The following ERC2 variants were observed in gnomAD, a reference collection of about 807,000 sequenced individuals.
The protein encoded by ERC2 is ELKS/RAB6-interacting/CAST family member 2, also known as ERC protein 2.
A neutral mutation model predicts 114.8 loss-of-function variants in ERC2; 42 were observed. The observed-to-expected ratio is 0.37, with a 90% CI of 0.29 to 0.47. The LOEUF is 0.47. Among genes scored for constraint, ERC2 ranks in the 20% least tolerant of loss-of-function variants. ERC2 has a pLI of 0.99. For missense variants in ERC2, 939 were observed against 1,150.7 expected, an observed-to-expected ratio of 0.82 and a Z score of 2.66; for synonymous variants, 454 against 425.5, an observed-to-expected ratio of 1.07 and a Z score of -0.82.
At chr3:56,008,585 T>G (rs1031810576) in intron 9 of ERC2, among the ~76,000 whole-genome samples, 3 of 152,180 alleles carry the variant, frequency 2.0e-5, no homozygotes, top group Non-Finnish European at 2.9e-5. Context: ...TTGTTTTCCT[T>G]TATAAATTTT....
intron 17 of ERC2, among the ~76,000 whole-genome samples, chr3:55,564,574 T>A (rs754934833): frequency 2.6e-5 from 4 of 152,204 alleles, no homozygotes; most frequent in Non-Finnish European, 5.9e-5. Context: ...CCGTCCTTCT[T>A]AGTTATAGAG....
chr3:56,030,905 A>C (rs991590493), intron 7 of ERC2, among the ~76,000 whole-genome samples: 1 of 152,152 alleles, frequency 6.6e-6, no homozygotes, highest in African/African-American at 2.4e-5. Flanking sequence ...ATGGGGAGAG[A>C]GATACATGGG....
intron 7 of ERC2, 95 bp downstream of exon 7, chr3:56,080,722 G>C: frequency 7.9e-7 from 1 of 1,269,804 alleles, no homozygotes; most frequent in South Asian, 1.5e-5. Context: ...CTAAAGATTC[G>C]TAAAAGATCA....
chr3:56,302,766 T>C (rs981197415), intron 2 of ERC2, among the ~76,000 whole-genome samples: 5 of 152,208 alleles, frequency 3.3e-5, no homozygotes, highest in African/African-American at 1.2e-4. Flanking sequence ...GGCCATCTCT[T>C]TGGAATCTCC....
At chr3:56,414,829 C>T (rs1042194902) in intron 2 of ERC2, among the ~76,000 whole-genome samples, 2 of 152,088 alleles carry the variant, frequency 1.3e-5, no homozygotes, top group Non-Finnish European at 2.9e-5. Context: ...TCACTCAGGA[C>T]TCTGTGAGAC....
intron 13 of ERC2, among the ~76,000 whole-genome samples, chr3:55,926,984 C>T (rs2065790826): frequency 6.6e-6 from 1 of 152,130 alleles, no homozygotes; most frequent in African/African-American, 2.4e-5. Flanking sequence ...CAGTTAGTTA[C>T]TAGCAATGCC....
intron 1 of ERC2, among the ~76,000 whole-genome samples, chr3:56,444,451 T>C (rs186206393): frequency 2.1e-4 from 32 of 152,278 alleles, no homozygotes; most frequent in African/African-American, 4.6e-4. Context: ...AAATTCAAAG[T>C]CCAAGGGTAA....
At chr3:55,681,393 A>G (rs1337508973) in intron 17 of ERC2, among the ~76,000 whole-genome samples, 2 of 152,188 alleles carry the variant, frequency 1.3e-5, no homozygotes, top group Non-Finnish European at 2.9e-5. Flanking sequence ...TGTTTCTTTT[A>G]TAGGGGCCAT....
intron 2 of ERC2, among the ~76,000 whole-genome samples, chr3:56,377,864 CAAAAAACA>C (rs2059603958): frequency 2.8e-5 from 4 of 141,334 alleles, no homozygotes; most frequent in Non-Finnish European, 3.1e-5. Context: ...AAAAAAAAAA[CAAAAAACA>C]AAAACAAAAC....
chr3:55,558,097 T>A (rs1004882005), intron 17 of ERC2, among the ~76,000 whole-genome samples: 3 of 152,216 alleles, frequency 2.0e-5, no homozygotes, highest in Non-Finnish European at 2.9e-5. Context: ...TGAATGAACA[T>A]GAGCTACCAT....
intron 17 of ERC2, among the ~76,000 whole-genome samples, chr3:55,591,146 G>A (rs2057856813): frequency 1.3e-5 from 2 of 151,794 alleles, no homozygotes; most frequent in Admixed American, 6.6e-5. Context: ...TAACTTTAAG[G>A]GGTAGAATTA....
intron 7 of ERC2, among the ~76,000 whole-genome samples, chr3:56,047,913 CAA>C (rs35097541): frequency 6.6e-6 from 1 of 151,810 alleles, no homozygotes; most frequent in Admixed American, 6.6e-5. Flanking sequence ...ATTGTACCCA[CAA>C]AAAAAGAAGC....
At chr3:55,553,870 A>G (rs777807634) in intron 17 of ERC2, among the ~76,000 whole-genome samples, 13 of 152,208 alleles carry the variant, frequency 8.5e-5, no homozygotes, top group Admixed American at 1.3e-4. Context: ...AGAAAAGCCA[A>G]TTGGAAACAA....
chr3:55,946,106 G>A (rs939242652), intron 13 of ERC2, among the ~76,000 whole-genome samples: 2 of 151,330 alleles, frequency 1.3e-5, no homozygotes, highest in Admixed American at 1.3e-4. Context: ...AAAAAAAAAA[G>A]GCATCCCATT....
chr3:56,201,925 T>A (rs1317676860), intron 3 of ERC2, among the ~76,000 whole-genome samples: 1 of 152,226 alleles, frequency 6.6e-6, no homozygotes, highest in African/African-American at 2.4e-5. Context: ...TCAGAAAGGA[T>A]GCTTTATTAA....
chr3:55,734,718 G>A lies in ERC2; in HGVS notation c.2712+53C>T, dbSNP rs546882287. The A allele has an allele frequency of 1.9e-3, 3,028 of 1,554,508 alleles. 3 individuals are homozygous for A. The highest frequency in any genetic ancestry group is 2.3e-3 in the Non-Finnish European group (2,663 of 1,151,674). On this transcript the variant is annotated intron_variant, in intron 15 of 17. Transcript: ENST00000288221. ...GAAGAGTGGCTAAAATCCAGAGAAA[G>A]CCCCCAAAGCCCCAAACCCAGAAAA...
At chr3:55,902,648 G>A (rs1033455177) in intron 13 of ERC2, among the ~76,000 whole-genome samples, 6 of 152,086 alleles carry the variant, frequency 3.9e-5, no homozygotes, top group Admixed American at 2.6e-4. Flanking sequence ...GAGTAGATCC[G>A]CTAAACCTTG....
intron 2 of ERC2, among the ~76,000 whole-genome samples, chr3:56,396,954 C>T (rs2060331098): frequency 6.6e-6 from 1 of 152,118 alleles, no homozygotes; most frequent in African/African-American, 2.4e-5. Flanking sequence ...AACTTAACGA[C>T]TCCCTACCTC....
At chr3:56,019,109 T>TA in intron 7 of ERC2, 78 bp from the exon 8 acceptor site, 9 of 1,147,314 alleles carry the variant, frequency 7.8e-6, no homozygotes, top group East Asian at 2.6e-5. Flanking sequence ...GATCTATTAA[T>TA]AAAAAAAGAA....
Sources: allele counts gnomAD v4.1 joint callset (sites outside exome capture counted in the v4.1 genomes callset), GRCh38; gene constraint gnomAD v4.1.1; transcripts MANE v1.5; gene names NCBI Gene and HGNC (gene_info 2026-07-23, HGNC 2026-07-21).